The following ZNF529 variants were observed in gnomAD, a reference collection of about 807,000 sequenced individuals.
The protein encoded by ZNF529 is zinc finger protein 529.
A neutral mutation model predicts 10.1 loss-of-function variants in ZNF529; 11 were observed. The ratio of observed to expected loss-of-function variants is 1.09; its 90% CI spans 0.69 to 1.81. ZNF529 has a LOEUF of 1.81. ZNF529 is among the 40% of genes most tolerant of loss of function. The pLI is 0.00. For synonymous variants in ZNF529, 204 were observed against 215.7 expected, an observed-to-expected ratio of 0.95 and a Z score of 0.47; for missense variants, 624 against 666.8, an observed-to-expected ratio of 0.94 and a Z score of 0.71.
At chr19:36,573,469 C>T (rs1246721765), upstream of ZNF529, 3 of 471,012 alleles carry the variant, frequency 6.4e-6, no homozygotes, top group Non-Finnish European at 4.4e-6. Flanking sequence ...TCAGCAGAGG[C>T]TGCCGCTGCG....
chr19:36,595,872 T>C (rs914326135), intron 1 of ZNF529, among the ~76,000 whole-genome samples: 3 of 151,944 alleles, frequency 2.0e-5, no homozygotes, highest in Non-Finnish European at 4.4e-5. Context: ...TAAATATATA[T>C]GGTACTATAT....
At chr19:36,572,972 T>G (rs1473713933) in intron 1 of ZNF529, 168 bp downstream of exon 1, 2 of 155,514 alleles carry the variant, frequency 1.3e-5, no homozygotes, top group African/African-American at 4.8e-5. Flanking sequence ...TTATAGTTGG[T>G]CACAACAGTG....
intron 4 of ZNF529, among the ~76,000 whole-genome samples, chr19:36,553,834 T>C (rs1167629207): frequency 6.6e-6 from 1 of 152,226 alleles, no homozygotes; most frequent in Non-Finnish European, 1.5e-5. Flanking sequence ...ACTGACATGA[T>C]GCTACAAGTG....
At chr19:36,568,599 G>A (rs761523455) in intron 2 of ZNF529, among the ~76,000 whole-genome samples, 1 of 151,726 alleles carries the variant, frequency 6.6e-6, no homozygotes, top group Non-Finnish European at 1.5e-5. Flanking sequence ...AGCCTCCTGT[G>A]CAGCTGGGAT....
intron 1 of ZNF529, among the ~76,000 whole-genome samples, chr19:36,593,692 G>A (rs1247210705): frequency 6.6e-6 from 1 of 152,154 alleles, no homozygotes; most frequent in Non-Finnish European, 1.5e-5. Flanking sequence ...CAACTTCTTA[G>A]ATCTCTGTTA....
At chr19:36,587,721 T>C (rs2036612621) in intron 2 of ZNF529, among the ~76,000 whole-genome samples, 1 of 152,186 alleles carries the variant, frequency 6.6e-6, no homozygotes, top group South Asian at 2.1e-4. Context: ...GGGACGAACC[T>C]TCAAAACATT....
At chr19:36,592,716 A>T (rs1394430885) in intron 1 of ZNF529, among the ~76,000 whole-genome samples, 1 of 152,188 alleles carries the variant, frequency 6.6e-6, no homozygotes, top group African/African-American at 2.4e-5. Flanking sequence ...AGAGAAATAG[A>T]AAATGCTGAG....
At position 36,547,048 on chromosome 19, in the gene ZNF529, T is replaced by C. The variant is rs979905442; in HGVS notation, c.1510A>G (p.Lys504Glu). 6.2e-7 allele frequency: 1 copy of C among 1,614,062 alleles called. No individual in the cohort carries two copies. The highest frequency in any genetic ancestry group is 1.7e-5 in the Admixed American group (1 of 60,012). Residue 504 changes from lysine to glutamate, a missense_variant, in exon 5 of 5, where the codon AAA becomes GAA. Physicochemically the swap from Lys to Glu is moderately conservative, Grantham distance 56 (BLOSUM62 1). Coordinates refer to ENST00000591340, the MANE Select transcript of ZNF529 (RefSeq NM_020951.5). ...CCACATGCCTTGCATTCATAGGGTT[T>C]TTCTCCAGTATGAATTCTCTGATGT... ...TEHQRIHTGE[K>E]PYECKACGKA...
At position 36,547,787 on chromosome 19, in the gene ZNF529, C is replaced by T. The variant is rs578093997; in HGVS notation, c.771G>A (p.Lys257=). 260 of 1,611,364 alleles carry T rather than the reference C, an allele frequency of 1.6e-4. 1 individual carries two copies. The South Asian group carries it at 2.6e-3, about 16-fold the overall frequency. The change falls in exon 5 of 5, where the codon AAG becomes AAA. Residue 257 remains lysine, a synonymous_variant. Coordinates refer to ENST00000591340, the MANE Select transcript of ZNF529 (RefSeq NM_020951.5). ...KIHNEKFYKC[K]EYRRTFERVG... is the part of the protein sequence containing the mutation. ...CTCTTTCAAAGGTCCTTCTGTATTC[C>T]TTACATTTATAGAACTTCTCATTAT... is the stretch of plus-strand genomic sequence containing the variant.
upstream of ZNF529, among the ~76,000 whole-genome samples, chr19:36,576,524 C>T (rs1286766805): frequency 1.3e-5 from 2 of 152,026 alleles, no homozygotes; most frequent in African/African-American, 4.8e-5. Flanking sequence ...CAAGACCAGC[C>T]TGGCCAACAT....
intron 1 of ZNF529, among the ~76,000 whole-genome samples, chr19:36,596,876 T>C (rs543406755): frequency 1.3e-5 from 2 of 152,152 alleles, no homozygotes; most frequent in East Asian, 1.9e-4. Flanking sequence ...ACTAAAAGCA[T>C]ATGGTTGATT....
At chr19:36,585,317 C>A (rs1382081694) in intron 2 of ZNF529, among the ~76,000 whole-genome samples, 1 of 152,194 alleles carries the variant, frequency 6.6e-6, no homozygotes, top group Non-Finnish European at 1.5e-5. Context: ...AATGAGCTGC[C>A]TCTTGACCAG....
At chr19:36,590,700 C>A (rs1167560622) in intron 1 of ZNF529, among the ~76,000 whole-genome samples, 2 of 152,096 alleles carry the variant, frequency 1.3e-5, no homozygotes, top group African/African-American at 4.8e-5. Flanking sequence ...GAGGCCGAGG[C>A]GGGCAGATCA....
chr19:36,581,533 C>T (rs1409627742), intron 2 of ZNF529: 1 of 152,124 alleles, frequency 6.6e-6, no homozygotes, highest in Non-Finnish European at 1.5e-5. Flanking sequence ...ATATTTGTTC[C>T]CTCAAAATCT....
upstream of ZNF529, chr19:36,573,493 C>T (rs757873079): frequency 2.1e-6 from 1 of 470,818 alleles, no homozygotes; most frequent in East Asian, 7.0e-5. Context: ...CCCCTAGGCG[C>T]GGAAGAGGCG....
At chr19:36,588,797 C>T (rs938249969) in intron 2 of ZNF529, among the ~76,000 whole-genome samples, 3 of 152,162 alleles carry the variant, frequency 2.0e-5, no homozygotes, top group African/African-American at 4.8e-5. Flanking sequence ...TATGCCCCTT[C>T]CCCATAACTT....
intron 1 of ZNF529, chr19:36,593,756 T>G (rs776739437): frequency 1.3e-5 from 2 of 152,088 alleles, no homozygotes; most frequent in Non-Finnish European, 2.9e-5. Context: ...TATGACTGTG[T>G]TTAAGAAGTA....
intron 2 of ZNF529, among the ~76,000 whole-genome samples, chr19:36,586,383 G>A (rs1318998341): frequency 6.6e-6 from 1 of 151,998 alleles, no homozygotes; most frequent in African/African-American, 2.4e-5. Context: ...GAGGCAGGTG[G>A]ATCATGAGGT....
rs577401531 is a variant in ZNF529, at chr19:36,602,506, AC to A, written c.-128+2619del. On this transcript the variant is annotated intron_variant, in intron 1 of 4. Transcript: ENST00000585960. Reference sequence around the variant, plus strand: ...TAAAACCAATCAGTTCACAAGCCATACAAAAATACAGGCTACAGGCTGGATT... The same window carrying A: ...TAAAACCAATCAGTTCACAAGCCATAAAAAATACAGGCTACAGGCTGGATT... 1.0e-2 allele frequency among the ~76,000 whole-genome samples: 1,517 copies of A among 152,104 alleles called. 32 individuals carry two copies. Among genetic ancestry groups the A allele is most frequent in the African/African-American group, 0.034 (1,431 of 41,490 alleles).
Sources: allele counts gnomAD v4.1 joint callset (sites outside exome capture counted in the v4.1 genomes callset), GRCh38; gene constraint gnomAD v4.1.1; transcripts MANE v1.5; gene names NCBI Gene and HGNC (gene_info 2026-07-23, HGNC 2026-07-21).